SEZ6L: variants seen among roughly 807,000 people sequenced by gnomAD.
SEZ6L encodes the protein seizure related 6 homolog like, also known as seizure 6-like protein.
Under a neutral mutation model 106.2 loss-of-function variants are expected in SEZ6L, and 37 were observed. That is an observed-to-expected ratio of 0.35 (90% confidence interval 0.27 to 0.46). The LOEUF is 0.46. Among genes scored for constraint, SEZ6L ranks in the 20% least tolerant of loss-of-function variants. The probability of loss-of-function intolerance (pLI) is 1.00; values close to 1 mark genes in which losing one functional copy is unlikely to be tolerated. For missense variants in SEZ6L, 1,172 were observed against 1,332.8 expected (o/e 0.88, Z 1.88); for synonymous variants, 541 against 570.4 (o/e 0.95, Z 0.73).
At chr22:26,299,313 T>A in intron 5 of SEZ6L, 144 bp downstream of exon 5, 1 of 577,880 alleles carries the variant, frequency 1.7e-6, no homozygotes, top group Middle Eastern at 5.1e-4. Context: ...CTATTGTTAT[T>A]TATGTTTTTA....
At chr22:26,358,301 C>T (rs773172300) in intron 12 of SEZ6L, among the ~76,000 whole-genome samples, 3 of 152,190 alleles carry the variant, frequency 2.0e-5, no homozygotes, top group Non-Finnish European at 4.4e-5. Flanking sequence ...TGTACCCCAG[C>T]CCTGCCTCTT....
intron 12 of SEZ6L, among the ~76,000 whole-genome samples, chr22:26,351,692 G>A (rs559124649): frequency 4.0e-4 from 61 of 152,088 alleles, no homozygotes; most frequent in African/African-American, 1.4e-3. Context: ...GATTACAGGC[G>A]CGTGCCACCA....
chr22:26,201,468 G>A (rs1470012021), intron 1 of SEZ6L, among the ~76,000 whole-genome samples: 1 of 151,832 alleles, frequency 6.6e-6, no homozygotes, highest in Non-Finnish European at 1.5e-5. Flanking sequence ...GGCTGAGGCA[G>A]GAGAACGGCT....
intron 1 of SEZ6L, among the ~76,000 whole-genome samples, chr22:26,243,830 A>G (rs985175088): frequency 6.6e-6 from 1 of 152,054 alleles, no homozygotes; most frequent in African/African-American, 2.4e-5. Context: ...AAGAAAAATG[A>G]GCAGGGAGGC....
chr22:26,308,151 A>G (rs1363094391), intron 6 of SEZ6L, among the ~76,000 whole-genome samples: 2 of 152,218 alleles, frequency 1.3e-5, no homozygotes, highest in South Asian at 2.1e-4. Context: ...AAATACCACA[A>G]TATGTCAGTT....
chr22:26,202,972 C>T (rs1941065701), intron 1 of SEZ6L, among the ~76,000 whole-genome samples: 1 of 152,204 alleles, frequency 6.6e-6, no homozygotes, highest in South Asian at 2.1e-4. Flanking sequence ...ATATTGCAGA[C>T]CACTTTTATT....
chr22:26,341,835 T>C (rs536086252), intron 10 of SEZ6L, among the ~76,000 whole-genome samples: 1 of 152,308 alleles, frequency 6.6e-6, no homozygotes, highest in Admixed American at 6.5e-5. Context: ...TCCAAACACA[T>C]GTCCCCGTCT....
chr22:26,176,139 G>C (rs1004344701), intron 1 of SEZ6L, among the ~76,000 whole-genome samples: 2 of 152,224 alleles, frequency 1.3e-5, no homozygotes, highest in Non-Finnish European at 2.9e-5. Context: ...CTATCAGGTG[G>C]TATGATAAAC....
At position 26,381,083 on chromosome 22, in the gene SEZ6L, T is replaced by A. The variant is rs920159142; in HGVS notation, c.*788T>A. The A allele has an allele frequency of 3.9e-5, 6 of 152,144 alleles. No individual in the cohort carries two copies. Among genetic ancestry groups the A allele is most frequent in the Non-Finnish European group, 7.4e-5 (5 of 68,024 alleles). The allele number at this position is 152,144 out of a possible 1,614,324, so 9.4% of individuals were successfully genotyped here. A position where few individuals can be genotyped will look rare whatever the true frequency, so the allele number is the denominator to read the frequency against. ...AAAATGTTCTTTTCTTTGACACTCT[T>A]TCAATGATGAAAGAGCGTGTAATTT... is the stretch of plus-strand genomic sequence containing the variant. On this transcript the variant is annotated 3_prime_UTR_variant, in exon 17 of 17. Coordinates refer to ENST00000248933, the MANE Select transcript of SEZ6L (RefSeq NM_021115.5).
At chr22:26,301,353 C>T (rs188123292) in intron 5 of SEZ6L, among the ~76,000 whole-genome samples, 7 of 152,334 alleles carry the variant, frequency 4.6e-5, no homozygotes, top group South Asian at 2.1e-4. Flanking sequence ...ATCCGCCGAG[C>T]GCCCACTGTG....
intron 1 of SEZ6L, among the ~76,000 whole-genome samples, chr22:26,189,016 C>T (rs1480954155): frequency 6.6e-6 from 1 of 152,134 alleles, no homozygotes; most frequent in East Asian, 1.9e-4. Flanking sequence ...TTTCCGTTAC[C>T]TTACTTTGCT....
intron 1 of SEZ6L, among the ~76,000 whole-genome samples, chr22:26,173,699 C>G (rs1369381642): frequency 6.6e-6 from 1 of 152,172 alleles, no homozygotes; most frequent in South Asian, 2.1e-4. Flanking sequence ...ATTTATTTCT[C>G]ACATTTCTGG....
chr22:26,174,039 GC>G (rs1938806814), intron 1 of SEZ6L, among the ~76,000 whole-genome samples: 1 of 152,176 alleles, frequency 6.6e-6, no homozygotes, highest in African/African-American at 2.4e-5. Context: ...TGTTTTGGGT[GC>G]TGGAGTACTA....
At chr22:26,352,570 TA>T (rs1277338150) in intron 12 of SEZ6L, among the ~76,000 whole-genome samples, 1 of 152,234 alleles carries the variant, frequency 6.6e-6, no homozygotes, top group African/African-American at 2.4e-5. Flanking sequence ...CACAAGTACC[TA>T]AAACAGGCTT....
chr22:26,336,994 G>T (rs1386033851), intron 9 of SEZ6L, among the ~76,000 whole-genome samples: 1 of 152,116 alleles, frequency 6.6e-6, no homozygotes, highest in African/African-American at 2.4e-5. Context: ...AATGAAAGTG[G>T]AATATAACAA....
At chr22:26,333,707 G>A (rs1166371795) in intron 9 of SEZ6L, among the ~76,000 whole-genome samples, 2 of 152,194 alleles carry the variant, frequency 1.3e-5, no homozygotes, top group Non-Finnish European at 2.9e-5. Flanking sequence ...ATCTGCAGCA[G>A]ATGAGCATCC....
chr22:26,287,078 T>C (rs548157618), intron 1 of SEZ6L, among the ~76,000 whole-genome samples: 14 of 150,990 alleles, frequency 9.3e-5, no homozygotes, highest in African/African-American at 2.9e-4. Flanking sequence ...TTTTTCACTT[T>C]AATAGGATGT....
rs1332193219 is a variant in SEZ6L at position 26,174,380 on chromosome 22, G to C, written c.94+4617G>C. 2.0e-5 allele frequency among the ~76,000 whole-genome samples: 3 copies of C among 152,194 alleles called. No homozygotes were observed. The East Asian group carries it at 5.8e-4, about 29-fold the overall frequency. On this transcript the variant is annotated intron_variant, in intron 1 of 16. Transcript: ENST00000248933. ...TTGGAGAGAGGAAACAGAGGAGCGA[G>C]TGGGAGGAGAAAGTAGGCAGGTGCA... is the stretch of plus-strand genomic sequence containing the variant.
chr22:26,232,568 G>A (rs143289452), intron 1 of SEZ6L, among the ~76,000 whole-genome samples: 1 of 152,034 alleles, frequency 6.6e-6, no homozygotes, highest in Non-Finnish European at 1.5e-5. Flanking sequence ...TATTTTCACC[G>A]CACCTTTTTC....
Sources: allele counts gnomAD v4.1 joint callset (sites outside exome capture counted in the v4.1 genomes callset), GRCh38; gene constraint gnomAD v4.1.1; transcripts MANE v1.5; gene names NCBI Gene and HGNC (gene_info 2026-07-23, HGNC 2026-07-21).